The following SUMF1 variants were observed in gnomAD, a reference collection of about 807,000 sequenced individuals.
The protein encoded by SUMF1 is sulfatase modifying factor 1.
Under a neutral mutation model 47.6 loss-of-function variants are expected in SUMF1, and 48 were observed. The ratio of observed to expected loss-of-function variants is 1.01; its 90% CI spans 0.80 to 1.28. The LOEUF is 1.28. SUMF1 is among the 50% of genes most tolerant of loss of function. The pLI, the probability that SUMF1 is intolerant of heterozygous loss-of-function variation, is 0.00. For synonymous variants in SUMF1, 230 were observed against 192.1 expected (o/e 1.20, Z -1.63); for missense variants, 571 against 485.4 (o/e 1.18, Z -1.66).
intron 9 of SUMF1, among the ~76,000 whole-genome samples, chr3:4,045,400 CCATCCATCCATT>C (rs1694987211): frequency 6.6e-6 from 1 of 151,682 alleles, no homozygotes. Flanking sequence ...ATCCATCCAT[CCATCCATCCATT>C]CATCCATCCA....
chr3:4,238,309 G>T (rs753506729), intron 8 of SUMF1, among the ~76,000 whole-genome samples: 3 of 152,104 alleles, frequency 2.0e-5, no homozygotes, highest in Admixed American at 2.0e-4. Context: ...GGATTGCTGG[G>T]TCAAATGTTA....
chr3:4,037,947 G>A (rs1448432339), intron 9 of SUMF1, among the ~76,000 whole-genome samples: 2 of 152,118 alleles, frequency 1.3e-5, no homozygotes, highest in Non-Finnish European at 2.9e-5. Flanking sequence ...TGGTATTGAA[G>A]CTTTGGAGTA....
rs548000881 is a variant in SUMF1 at position 4,291,707 on chromosome 3, G to C, written c.1014+84623C>G. Among the ~76,000 whole-genome samples, 18 of 152,234 alleles carry C rather than the reference G, an allele frequency of 1.2e-4. No individual in the cohort carries two copies. The East Asian group carries it at 3.5e-3, about 29-fold the overall frequency. The stretch of plus-strand genomic sequence containing the variant: ...GGGAAAGACGAAATTAAGTTTCCAA[G>C]TGCAAAGTGGAAAACTAAATTGCCA... On this transcript the variant is annotated intron_variant and NMD_transcript_variant, in intron 8 of 12. Transcript: ENST00000448413.
chr3:4,354,814 CCTAGGAAGCACTTATCCCAGTAT>C (rs1220645587), intron 8 of SUMF1, among the ~76,000 whole-genome samples: 1 of 152,134 alleles, frequency 6.6e-6, no homozygotes, highest in Non-Finnish European at 1.5e-5. Flanking sequence ...GGAACAAGTA[CCTAGGAAGCACTTATCCCAGTAT>C]CTGGGAAGCA....
At chr3:4,165,558 T>TCCACAA (rs1694680389) in intron 8 of SUMF1, among the ~76,000 whole-genome samples, 1 of 152,090 alleles carries the variant, frequency 6.6e-6, no homozygotes, top group Non-Finnish European at 1.5e-5. Flanking sequence ...TTGTGGATTA[T>TCCACAA]CTTTCAATGA....
At chr3:4,036,662 A>G (rs1484328200) in intron 9 of SUMF1, among the ~76,000 whole-genome samples, 3 of 151,374 alleles carry the variant, frequency 2.0e-5, no homozygotes, top group Non-Finnish European at 4.4e-5. Flanking sequence ...TGCTCAGTCC[A>G]GAGAAGCTAC....
chr3:4,288,803 A>AC (rs1697685697), intron 8 of SUMF1, among the ~76,000 whole-genome samples: 1 of 99,772 alleles, frequency 1.0e-5, no homozygotes, highest in African/African-American at 4.5e-5. Flanking sequence ...GACTCTGTCT[A>AC]GAAAAAAAAA....
At chr3:4,218,410 G>A (rs375727112) in intron 8 of SUMF1, among the ~76,000 whole-genome samples, 3 of 152,082 alleles carry the variant, frequency 2.0e-5, no homozygotes, top group South Asian at 2.1e-4. Flanking sequence ...ACAGGCCTCC[G>A]GGAATAATAA....
At chr3:4,461,373 A>G (rs1304934454) in intron 1 of SUMF1, among the ~76,000 whole-genome samples, 1 of 152,236 alleles carries the variant, frequency 6.6e-6, no homozygotes, top group African/African-American at 2.4e-5. Flanking sequence ...AAAAGTTTCA[A>G]GAGCAGTCTT....
At chr3:4,167,045 A>T (rs1048880320) in intron 8 of SUMF1, among the ~76,000 whole-genome samples, 8 of 152,056 alleles carry the variant, frequency 5.3e-5, no homozygotes, top group African/African-American at 1.9e-4. Flanking sequence ...GATGGTACTC[A>T]CCACGTGGCG....
intron 1 of SUMF1, among the ~76,000 whole-genome samples, chr3:4,460,599 A>AGTGTGTGTGT (rs144375913): frequency 2.1e-5 from 3 of 143,576 alleles, no homozygotes; most frequent in Non-Finnish European, 3.0e-5. Context: ...TCACACACAC[A>AGTGTGTGTGT]GTGTGTGTGT....
At chr3:4,237,527 T>C (rs1575006300) in intron 8 of SUMF1, among the ~76,000 whole-genome samples, 1 of 152,158 alleles carries the variant, frequency 6.6e-6, no homozygotes, top group South Asian at 2.1e-4. Flanking sequence ...TTTTAGATAA[T>C]AGTCCTTTAT....
chr3:4,182,421 T>A (rs1159823029), intron 8 of SUMF1, among the ~76,000 whole-genome samples: 2 of 149,048 alleles, frequency 1.3e-5, no homozygotes, highest in Non-Finnish European at 3.0e-5. Flanking sequence ...ATTTTATTAT[T>A]ATATTTTTTA....
At chr3:4,331,818 A>C (rs914413395) in intron 8 of SUMF1, among the ~76,000 whole-genome samples, 2 of 152,206 alleles carry the variant, frequency 1.3e-5, no homozygotes, top group African/African-American at 4.8e-5. Flanking sequence ...TAACAGAGCA[A>C]GACTCCATCT....
At chr3:4,242,105 T>C (rs1477334848) in intron 8 of SUMF1, among the ~76,000 whole-genome samples, 1 of 152,190 alleles carries the variant, frequency 6.6e-6, no homozygotes, top group African/African-American at 2.4e-5. Flanking sequence ...GGAATGCTTG[T>C]GATATTTGCA....
chr3:4,130,142 T>G (rs1448302062), intron 8 of SUMF1, among the ~76,000 whole-genome samples: 1 of 152,116 alleles, frequency 6.6e-6, no homozygotes, highest in African/African-American at 2.4e-5. Context: ...ACTCTCCCAT[T>G]TGGCCTGTGC....
chr3:4,313,823 G>GCTTT, intron 8 of SUMF1: 1 of 1,601,968 alleles, frequency 6.2e-7, no homozygotes, highest in Non-Finnish European at 8.5e-7. Flanking sequence ...TGGTTGGCTA[G>GCTTT]CTTTACCTCT....
At chr3:4,382,197 T>C (rs771992302) in intron 7 of SUMF1, among the ~76,000 whole-genome samples, 6 of 152,196 alleles carry the variant, frequency 3.9e-5, no homozygotes, top group Non-Finnish European at 7.3e-5. Flanking sequence ...TAAATACTGA[T>C]CAATCTTATT....
chr3:4,265,990 C>A (rs1243850700), intron 8 of SUMF1, among the ~76,000 whole-genome samples: 3 of 152,010 alleles, frequency 2.0e-5, no homozygotes, highest in Admixed American at 1.3e-4. Flanking sequence ...ATAGGGAATC[C>A]TTTCCCCATT....
Sources: gnomAD v4.1 joint callset for allele counts (sites outside exome capture counted in the v4.1 genomes callset) on GRCh38, gnomAD v4.1.1 for gene constraint, MANE v1.5 for transcripts, NCBI Gene and HGNC (gene_info 2026-07-23, HGNC 2026-07-21) for gene names.